Variants in GTF2E2 observed in about 807,000 individuals in gnomAD.
The protein encoded by GTF2E2 is general transcription factor IIE subunit 2.
GTF2E2 carries 21 observed loss-of-function variants against 40.5 expected under a neutral mutation model. The ratio of observed to expected loss-of-function variants is 0.52; its 90% CI spans 0.37 to 0.75. The LOEUF is 0.75. GTF2E2 is among the 30% of genes least tolerant of loss of function. The pLI, the probability that GTF2E2 is intolerant of heterozygous loss-of-function variation, is 0.00. For missense variants in GTF2E2, 298 were observed against 338.4 expected, an observed-to-expected ratio of 0.88 and a Z score of 0.94; for synonymous variants, 117 against 121.6, an observed-to-expected ratio of 0.96 and a Z score of 0.25.
At position 30,604,765 on chromosome 8, in the gene GTF2E2, T is replaced by C. The variant is rs143196092; in HGVS notation, c.643+2292A>G. 7.0e-3 allele frequency among the ~76,000 whole-genome samples: 1,068 copies of C among 152,346 alleles called. 10 individuals are homozygous for C. The highest frequency in any genetic ancestry group is 0.023 in the African/African-American group (940 of 41,590). On this transcript the variant is annotated intron_variant, in intron 6 of 7. Transcript: ENST00000355904. ...ACTCTATGTATTTCTAGATTGTTAA[T>C]GTTTTCTAGGGGGGAAAGTGAAAAT...
At chr8:30,604,218 C>G (rs571417656) in intron 6 of GTF2E2, among the ~76,000 whole-genome samples, 1 of 151,982 alleles carries the variant, frequency 6.6e-6, no homozygotes, top group Non-Finnish European at 1.5e-5. Flanking sequence ...CATACTGAAA[C>G]AATTGTCCTA....
chr8:30,625,506 G>A (rs1023968789), intron 3 of GTF2E2, among the ~76,000 whole-genome samples: 1 of 152,072 alleles, frequency 6.6e-6, no homozygotes, highest in African/African-American at 2.4e-5. Flanking sequence ...CACAGTAACA[G>A]GCAACGACCG....
intron 2 of GTF2E2, among the ~76,000 whole-genome samples, chr8:30,636,203 A>C (rs911370488): frequency 6.6e-6 from 1 of 152,248 alleles, no homozygotes; most frequent in East Asian, 1.9e-4. Context: ...AACAGTAAAA[A>C]ATCCATCATA....
chr8:30,609,278 AAAGAG>A lies in GTF2E2; in HGVS notation c.550-2133_550-2129del, dbSNP rs778052062. Among the ~76,000 whole-genome samples, 570 of 108,822 alleles carry A rather than the reference AAAGAG, an allele frequency of 5.2e-3. 3 individuals carry two copies. The highest frequency in any genetic ancestry group is 0.021 in the South Asian group (54 of 2,624). The allele number at this position is 108,822 out of a possible 152,430, so 71.4% of individuals were successfully genotyped here. On this transcript the variant is annotated intron_variant, in intron 5 of 7. Coordinates refer to ENST00000355904, the MANE Select transcript of GTF2E2 (RefSeq NM_002095.6). ...GAGACTCCGCCTCAAAAAAAAAAAA[AAAGAG>A]AAAGAAAGAAAGAAAGAAATACTCA...
At chr8:30,595,352 GA>G (rs1369643129) in intron 6 of GTF2E2, among the ~76,000 whole-genome samples, 3 of 152,162 alleles carry the variant, frequency 2.0e-5, no homozygotes, top group Non-Finnish European at 4.4e-5. Context: ...AGAGAAATTA[GA>G]AAAATATTTT....
chr8:30,656,971 T>C (rs1802468706), intron 1 of GTF2E2: 1 of 152,140 alleles, frequency 6.6e-6, no homozygotes, highest in South Asian at 2.1e-4. Flanking sequence ...GTCGCACAGA[T>C]GGAAGAGCCA....
At chr8:30,606,409 A>C (rs904414542) in intron 6 of GTF2E2, among the ~76,000 whole-genome samples, 1 of 152,222 alleles carries the variant, frequency 6.6e-6, no homozygotes, top group African/African-American at 2.4e-5. Context: ...CCATTTTATA[A>C]AACTTCAAAA....
At chr8:30,647,757 T>A (rs1183822820) in intron 2 of GTF2E2, among the ~76,000 whole-genome samples, 1 of 152,248 alleles carries the variant, frequency 6.6e-6, no homozygotes, top group Non-Finnish European at 1.5e-5. Context: ...GTTAAAACCA[T>A]ATACATTTTC....
chr8:30,604,553 G>A (rs765762545), intron 6 of GTF2E2, among the ~76,000 whole-genome samples: 10 of 152,128 alleles, frequency 6.6e-5, no homozygotes, highest in African/African-American at 9.7e-5. Flanking sequence ...GCCATACATC[G>A]TTATGGAATA....
chr8:30,641,471 C>T (rs959576908), intron 2 of GTF2E2, among the ~76,000 whole-genome samples: 4 of 152,158 alleles, frequency 2.6e-5, no homozygotes, highest in Admixed American at 2.6e-4. Flanking sequence ...CAAGCTATCC[C>T]CCCACCTGAG....
intron 6 of GTF2E2, among the ~76,000 whole-genome samples, chr8:30,583,951 G>A (rs540041795): frequency 8.5e-4 from 127 of 148,776 alleles, no homozygotes; most frequent in Middle Eastern, 3.4e-3. Flanking sequence ...GACTACAGGC[G>A]CCAGCCACCA....
chr8:30,580,374 A>G lies in GTF2E2; in HGVS notation c.666T>C (p.Ser222=), dbSNP rs1408634298. The change falls in exon 7 of 8, where the codon AGT becomes AGC. Residue 222 remains serine, a synonymous_variant. Coordinates refer to ENST00000355904, the MANE Select transcript of GTF2E2 (RefSeq NM_002095.6). ...CCTCGTCCATGGAATCTACAGTGACACTCCTCCACAGTTTCTGAAATTCTG... is the reference window on the plus strand; with the variant it reads ...CCTCGTCCATGGAATCTACAGTGACGCTCCTCCACAGTTTCTGAAATTCTG... ...VDEEFQKLWR[S]VTVDSMDEEK... 2.5e-6 allele frequency: 4 copies of G among 1,583,368 alleles called. No individual in the cohort carries two copies. The highest frequency in any genetic ancestry group is 1.7e-6 in the Non-Finnish European group (2 of 1,152,020).
intron 2 of GTF2E2, chr8:30,645,910 T>A: frequency 4.3e-6 from 1 of 232,804 alleles, no homozygotes; most frequent in Non-Finnish European, 8.4e-6. Flanking sequence ...GCAAGGCTAA[T>A]GATGCTAAAA....
intron 3 of GTF2E2, among the ~76,000 whole-genome samples, chr8:30,622,231 A>G (rs2151136552): frequency 1.3e-5 from 2 of 148,454 alleles, no homozygotes; most frequent in Admixed American, 1.4e-4. Flanking sequence ...ATTTTCCCTA[A>G]GTGTTGGCCA....
chr8:30,620,239 AACACAC>A (rs145330914), intron 3 of GTF2E2, among the ~76,000 whole-genome samples: 1 of 150,418 alleles, frequency 6.6e-6, no homozygotes, highest in Non-Finnish European at 1.5e-5. Context: ...CACACACACA[AACACAC>A]ACACACACAC....
rs1263970009 is a variant in GTF2E2 at position 30,578,876 on chromosome 8, T to A, written c.*45A>T. The A allele has an allele frequency of 3.1e-6, 3 of 952,576 alleles. No homozygotes were observed. Among genetic ancestry groups the A allele is most frequent in the Non-Finnish European group, 5.2e-6 (3 of 576,092 alleles). 59.0% of individuals were successfully genotyped at this position (952,576 alleles called of 1,614,324 possible). A position where few individuals can be genotyped will look rare whatever the true frequency, so the allele number is the denominator to read the frequency against. On this transcript the variant is annotated 3_prime_UTR_variant, in exon 8 of 8. Coordinates refer to ENST00000355904, the MANE Select transcript of GTF2E2 (RefSeq NM_002095.6). ...AGACCCCGAGCATCAGCAAGAACAC[T>A]CTTGATTGTGTATCTGTAACTCTGT...
intron 1 of GTF2E2, among the ~76,000 whole-genome samples, chr8:30,656,246 T>C (rs1802445074): frequency 6.6e-6 from 1 of 152,226 alleles, no homozygotes. Flanking sequence ...AATGTGTATG[T>C]TATTTTTTAA....
intron 6 of GTF2E2, among the ~76,000 whole-genome samples, chr8:30,606,652 T>C (rs1829322722): frequency 6.6e-6 from 1 of 152,198 alleles, no homozygotes; most frequent in African/African-American, 2.4e-5. Flanking sequence ...CCTTATTCAA[T>C]TTGATAACTG....
chr8:30,630,634 A>T (rs1254731331), intron 3 of GTF2E2, among the ~76,000 whole-genome samples: 1 of 152,088 alleles, frequency 6.6e-6, no homozygotes, highest in African/African-American at 2.4e-5. Flanking sequence ...ATGAAAAAGT[A>T]ATCTCACCTC....
Sources: allele counts gnomAD v4.1 joint callset (sites outside exome capture counted in the v4.1 genomes callset), GRCh38; gene constraint gnomAD v4.1.1; transcripts MANE v1.5; gene names NCBI Gene and HGNC (gene_info 2026-07-23, HGNC 2026-07-21).